DNAH7: variants seen among roughly 807,000 people sequenced by gnomAD.
The protein encoded by DNAH7 is axonemal beta dynein heavy chain 7.
Under a neutral mutation model 444.6 loss-of-function variants are expected in DNAH7, and 397 were observed. The observed-to-expected ratio is 0.89, with a 90% CI of 0.82 to 0.97. The LOEUF (loss-of-function observed/expected upper bound fraction) is 0.97, where lower values mean the gene tolerates loss of function less well. Among genes scored for constraint, DNAH7 ranks in the 50% least tolerant of loss-of-function variants. The pLI is 0.00. For synonymous variants in DNAH7, 1,636 were observed against 1,624.4 expected, an observed-to-expected ratio of 1.01 and a Z score of -0.17; for missense variants, 4,902 against 4,800.8, an observed-to-expected ratio of 1.02 and a Z score of -0.62.
chr2:195,834,109 A>C, intron 48 of DNAH7, 97 bp downstream of exon 48: 1 of 1,254,820 alleles, frequency 8.0e-7, no homozygotes, highest in Non-Finnish European at 1.1e-6. Context: ...TGGTAGGCTG[A>C]GGTGGGAGGA....
chr2:196,006,674 T>C (rs1437271725), intron 10 of DNAH7, among the ~76,000 whole-genome samples: 1 of 151,890 alleles, frequency 6.6e-6, no homozygotes, highest in Non-Finnish European at 1.5e-5. Context: ...GCAAAAACCA[T>C]TAAAGCTAAT....
rs1304552571 is a variant in DNAH7 at position 195,881,995 on chromosome 2, G to A, written c.5764-3C>T. 6.2e-7 allele frequency: 1 copy of A among 1,611,048 alleles called. No individual in the cohort carries two copies. Among genetic ancestry groups the A allele is most frequent in the Non-Finnish European group, 8.5e-7 (1 of 1,178,006 alleles). Reference sequence around the variant, plus strand: ...CATGGTTCCCATTTTCCTATTCCCTGTTTATAATTAACAACCAAGTAATGA... The same window carrying A: ...CATGGTTCCCATTTTCCTATTCCCTATTTATAATTAACAACCAAGTAATGA... On this transcript the variant is annotated splice_region_variant and splice_polypyrimidine_tract_variant and intron_variant, in intron 35 of 64. Transcript: ENST00000312428.
intron 40 of DNAH7, among the ~76,000 whole-genome samples, chr2:195,868,432 C>T (rs1700483638): frequency 6.6e-6 from 1 of 151,926 alleles, no homozygotes; most frequent in African/African-American, 2.4e-5. Context: ...GTGAAAGGTA[C>T]TTAATGGCAG....
At chr2:195,975,076 T>C (rs1047277648) in intron 15 of DNAH7, among the ~76,000 whole-genome samples, 1 of 152,174 alleles carries the variant, frequency 6.6e-6, no homozygotes, top group African/African-American at 2.4e-5. Context: ...CCACTGATCA[T>C]TCTCCCCATA....
intron 7 of DNAH7, 142 bp from the exon 8 acceptor site, chr2:196,024,646 TGAGGAG>T (rs1450387010): frequency 2.1e-6 from 1 of 480,232 alleles, no homozygotes; most frequent in African/African-American, 2.0e-5. Context: ...TGTGCATTTA[TGAGGAG>T]AAGAAAATTT....
At position 196,024,317 on chromosome 2, in the gene DNAH7, A is replaced by G. The variant is rs1164658741; in HGVS notation, c.743+112T>C. 6 of 672,654 alleles carry G rather than the reference A, an allele frequency of 8.9e-6. No individual in the cohort carries two copies. The South Asian group carries it at 1.9e-4, about 21-fold the overall frequency. 41.7% of individuals were successfully genotyped at this position (672,654 alleles called of 1,614,324 possible). ...ATATGAAATACATACATACACACATATACATTTATATATAAATTATAAACA... is the reference window on the plus strand; with the variant it reads ...ATATGAAATACATACATACACACATGTACATTTATATATAAATTATAAACA... On this transcript the variant is annotated intron_variant, in intron 8 of 64. Transcript: ENST00000312428.
rs752405443 is a variant in DNAH7 at position 196,024,389 on chromosome 2, G to T, written c.743+40C>A. On this transcript the variant is annotated intron_variant, in intron 8 of 64. Transcript: ENST00000312428. Reference sequence around the variant, plus strand: ...GGTGATATAAACATATACAGAAATGGTCACATAATCAACATTCTTAGAGAA... The same window carrying T: ...GGTGATATAAACATATACAGAAATGTTCACATAATCAACATTCTTAGAGAA... 1.3e-5 allele frequency: 18 copies of T among 1,341,760 alleles called. No homozygotes were observed. In the African/African-American group the frequency reaches 2.0e-4, roughly 15 times the overall value. 83.1% of individuals were successfully genotyped at this position (1,341,760 alleles called of 1,614,324 possible).
chr2:196,067,689 G>A (rs1302228108), intron 1 of DNAH7, among the ~76,000 whole-genome samples: 17 of 152,192 alleles, frequency 1.1e-4, no homozygotes, highest in Non-Finnish European at 2.1e-4. Flanking sequence ...CAATGGATAG[G>A]AGACTAAATC....
chr2:195,993,073 G>A (rs939518081), intron 12 of DNAH7, among the ~76,000 whole-genome samples: 4 of 152,156 alleles, frequency 2.6e-5, no homozygotes, highest in Non-Finnish European at 5.9e-5. Flanking sequence ...CGAGTGCAGC[G>A]TTAACAGTCC....
chr2:195,955,437 A>G (rs1289162526), intron 19 of DNAH7, among the ~76,000 whole-genome samples: 1 of 152,124 alleles, frequency 6.6e-6, no homozygotes, highest in Non-Finnish European at 1.5e-5. Flanking sequence ...GCCTTGTAGT[A>G]TAGTTTGAAG....
intron 58 of DNAH7, among the ~76,000 whole-genome samples, 198 bp downstream of exon 58, chr2:195,786,812 A>G (rs937683208): frequency 3.3e-5 from 5 of 152,208 alleles, no homozygotes; most frequent in African/African-American, 1.2e-4. Context: ...CTAATAGACA[A>G]ACTGATGTCC....
At chr2:195,760,582 A>T (rs905327886) in intron 61 of DNAH7, among the ~76,000 whole-genome samples, 1 of 152,008 alleles carries the variant, frequency 6.6e-6, no homozygotes, top group African/African-American at 2.4e-5. Context: ...AGAGAGAGAG[A>T]GAGTCCATGT....
chr2:196,059,280 G>A (rs972410849), intron 1 of DNAH7, among the ~76,000 whole-genome samples: 2 of 152,170 alleles, frequency 1.3e-5, no homozygotes, highest in Admixed American at 6.5e-5. Context: ...TAAGAGAAAG[G>A]GGCTAATCTC....
intron 19 of DNAH7, among the ~76,000 whole-genome samples, chr2:195,944,507 C>T (rs542286912): frequency 2.0e-5 from 3 of 152,290 alleles, no homozygotes; most frequent in Middle Eastern, 3.4e-3. Flanking sequence ...TTTATCTACA[C>T]CTCTGCCAAG....
chr2:195,971,505 G>A (rs1264096770), intron 16 of DNAH7, among the ~76,000 whole-genome samples: 2 of 152,144 alleles, frequency 1.3e-5, no homozygotes, highest in African/African-American at 4.8e-5. Flanking sequence ...TGAGAGCACA[G>A]GAGAGAACAA....
At chr2:195,870,790 G>C (rs1700635667) in intron 40 of DNAH7, among the ~76,000 whole-genome samples, 1 of 152,154 alleles carries the variant, frequency 6.6e-6, no homozygotes, top group African/African-American at 2.4e-5. Flanking sequence ...CCAGTGCCTT[G>C]ATCTTGAACT....
chr2:196,024,476 C>G lies in DNAH7; in HGVS notation c.696G>C (p.Glu232Asp). Reference sequence around the variant, plus strand: ...CATCTGTCTTCTTATCATCTCCTTTCTCTCGAGGATCTTTTAAAACAAAAT... The same window carrying G: ...CATCTGTCTTCTTATCATCTCCTTTGTCTCGAGGATCTTTTAAAACAAAAT... ...IVDFVLKDPR[E>D]KGDDKKTDEL... Residue 232 changes from glutamate (E) to aspartate (D), a missense_variant, in exon 8 of 65, where the codon GAG becomes GAC. Physicochemically the swap from Glu to Asp is conservative, Grantham distance 45 (BLOSUM62 2). Transcript: ENST00000312428. 6.3e-7 allele frequency: 1 copy of G among 1,582,218 alleles called. No individual in the cohort carries two copies. Among genetic ancestry groups the G allele is most frequent in the Non-Finnish European group, 8.6e-7 (1 of 1,166,742 alleles).
At chr2:195,925,212 G>A (rs969803048) in intron 22 of DNAH7, among the ~76,000 whole-genome samples, 7 of 151,742 alleles carry the variant, frequency 4.6e-5, no homozygotes, top group East Asian at 1.9e-4. Context: ...TTATTTACAC[G>A]GTTAATTTGC....
At position 195,943,303 on chromosome 2, in the gene DNAH7, A is replaced by G. The variant is rs543470710; in HGVS notation, c.3079-6511T>C. Among the ~76,000 whole-genome samples the G allele has an allele frequency of 1.3e-3, 194 of 152,278 alleles. 2 individuals carry two copies. Among genetic ancestry groups the G allele is most frequent in the African/African-American group, 4.2e-3 (173 of 41,558 alleles). ...AGCCAATTCACTTTGTTTAAGGTCA[A>G]TATTCATAGTAGGACCTTTACTATT... On this transcript the variant is annotated intron_variant, in intron 19 of 64. Coordinates refer to ENST00000312428, the MANE Select transcript of DNAH7 (RefSeq NM_018897.3).
Sources: gnomAD v4.1 joint callset for allele counts (sites outside exome capture counted in the v4.1 genomes callset) on GRCh38, gnomAD v4.1.1 for gene constraint, MANE v1.5 for transcripts, NCBI Gene and HGNC (gene_info 2026-07-23, HGNC 2026-07-21) for gene names.